SLC24A2: variants seen among roughly 807,000 people sequenced by gnomAD.
The protein encoded by SLC24A2 is sodium/potassium/calcium exchanger 2.
Under a neutral mutation model 62.0 loss-of-function variants are expected in SLC24A2, and 36 were observed. That is an observed-to-expected ratio of 0.58 (90% CI 0.44 to 0.77). The LOEUF is 0.77. Ranked by LOEUF, SLC24A2 falls within the 30% of genes least tolerant of loss-of-function variation. The probability of loss-of-function intolerance (pLI) is 0.00; values close to 1 mark genes in which losing one functional copy is unlikely to be tolerated. For missense variants in SLC24A2, 846 were observed against 817.9 expected (o/e 1.03, Z -0.42); for synonymous variants, 358 against 294.0 (o/e 1.22, Z -2.23).
chr9:19,692,625 A>G (rs1407858912), intron 2 of SLC24A2, among the ~76,000 whole-genome samples: 1 of 152,138 alleles, frequency 6.6e-6, no homozygotes, highest in Non-Finnish European at 1.5e-5. Context: ...TCATCCTTCC[A>G]ATAATCACTC....
At chr9:19,829,331 C>G in the SLC24A2 span, among the ~76,000 whole-genome samples, 1 of 152,102 alleles carries the variant, frequency 6.6e-6, no homozygotes, top group Non-Finnish European at 1.5e-5. Flanking sequence ...TTCCCCCACT[C>G]AGAGGTGATA....
chr9:19,600,997 G>T (rs765475602), intron 4 of SLC24A2, among the ~76,000 whole-genome samples: 4 of 152,150 alleles, frequency 2.6e-5, no homozygotes, highest in Non-Finnish European at 5.9e-5. Flanking sequence ...GGTCTAGTGG[G>T]GACTTGGAGA....
At chr9:19,521,253 A>G (rs953367022) in intron 9 of SLC24A2, among the ~76,000 whole-genome samples, 193 bp from the exon 10 acceptor site, 1 of 152,248 alleles carries the variant, frequency 6.6e-6, no homozygotes, top group African/African-American at 2.4e-5. Context: ...GACCCAAGGC[A>G]TCAGGAATGT....
chr9:20,292,874 A>G, the SLC24A2 span, among the ~76,000 whole-genome samples: 1 of 152,214 alleles, frequency 6.6e-6, no homozygotes, highest in Non-Finnish European at 1.5e-5. Context: ...TTATAGGCAT[A>G]GGCCACCACA....
chr9:19,971,759 G>T, the SLC24A2 span, among the ~76,000 whole-genome samples: 24 of 152,036 alleles, frequency 1.6e-4, no homozygotes, highest in African/African-American at 5.6e-4. Flanking sequence ...TGATCACTTT[G>T]GTAATGATGA....
At chr9:19,650,713 A>G (rs1453058204) in intron 2 of SLC24A2, among the ~76,000 whole-genome samples, 3 of 122,982 alleles carry the variant, frequency 2.4e-5, no homozygotes, top group Non-Finnish European at 5.0e-5. Context: ...AAAACAAAAC[A>G]TGGCACGCGC....
the SLC24A2 span, among the ~76,000 whole-genome samples, chr9:20,104,167 T>C: frequency 3.9e-5 from 6 of 152,024 alleles, no homozygotes; most frequent in Non-Finnish European, 8.8e-5. Context: ...TAAAAAGAAA[T>C]GAACAAAGCC....
chr9:20,023,370 T>C, the SLC24A2 span, among the ~76,000 whole-genome samples: 1 of 152,186 alleles, frequency 6.6e-6, no homozygotes, highest in East Asian at 1.9e-4. Flanking sequence ...AACTCCATAG[T>C]GCAGTGAGCA....
chr9:19,543,946 C>T (rs1834414518), intron 8 of SLC24A2, among the ~76,000 whole-genome samples: 1 of 152,166 alleles, frequency 6.6e-6, no homozygotes, highest in Non-Finnish European at 1.5e-5. Flanking sequence ...TTTATTAGGT[C>T]TGCTTGTTCC....
At chr9:19,730,436 G>A (rs1333137076) in intron 2 of SLC24A2, among the ~76,000 whole-genome samples, 1 of 152,066 alleles carries the variant, frequency 6.6e-6, no homozygotes, top group Non-Finnish European at 1.5e-5. Flanking sequence ...TTACAAAGAT[G>A]TTCAATGTTA....
chr9:20,078,514 T>C, the SLC24A2 span, among the ~76,000 whole-genome samples: 1 of 152,120 alleles, frequency 6.6e-6, no homozygotes, highest in African/African-American at 2.4e-5. Flanking sequence ...TTGTCTCCCT[T>C]CCACCCTTCC....
At chr9:19,790,530 C>CAAAAAA (rs3086381), upstream of SLC24A2, among the ~76,000 whole-genome samples, 4 of 122,388 alleles carry the variant, frequency 3.3e-5, no homozygotes, top group Non-Finnish European at 6.6e-5. Context: ...ATTTGAGCAT[C>CAAAAAA]AAAAAAAAAA....
chr9:19,821,157 A>C, the SLC24A2 span, among the ~76,000 whole-genome samples: 1 of 152,020 alleles, frequency 6.6e-6, no homozygotes, highest in African/African-American at 2.4e-5. Context: ...TGTATCCCCC[A>C]GAGTCATGCC....
chr9:20,296,478 T>G, the SLC24A2 span, among the ~76,000 whole-genome samples: 2 of 152,246 alleles, frequency 1.3e-5, no homozygotes, highest in Admixed American at 6.5e-5. Flanking sequence ...ATTCACAATG[T>G]TGACTTTGTG....
the SLC24A2 span, among the ~76,000 whole-genome samples, chr9:20,008,985 C>T: frequency 6.6e-6 from 1 of 152,112 alleles, no homozygotes; most frequent in Non-Finnish European, 1.5e-5. Flanking sequence ...TGAGACACCC[C>T]CTTAGACTGC....
the SLC24A2 span, among the ~76,000 whole-genome samples, chr9:20,154,983 C>A: frequency 2.6e-5 from 4 of 151,682 alleles, no homozygotes; most frequent in South Asian, 6.2e-4. Flanking sequence ...AAGAGATTTC[C>A]TGTAAGTTCC....
chr9:19,526,187 A>G (rs932592793), intron 9 of SLC24A2, among the ~76,000 whole-genome samples: 1 of 152,110 alleles, frequency 6.6e-6, no homozygotes, highest in Non-Finnish European at 1.5e-5. Context: ...TTGGTACTTC[A>G]TTTCTTTGTA....
At chr9:19,901,118 C>T in the SLC24A2 span, among the ~76,000 whole-genome samples, 1 of 152,118 alleles carries the variant, frequency 6.6e-6, no homozygotes, top group African/African-American at 2.4e-5. Flanking sequence ...TATTGATCAC[C>T]TGTCATGTGC....
At chr9:19,566,770 C>G (rs951113513) in intron 7 of SLC24A2, among the ~76,000 whole-genome samples, 3 of 152,186 alleles carry the variant, frequency 2.0e-5, no homozygotes, top group African/African-American at 7.2e-5. Flanking sequence ...CCATGGAATA[C>G]TATGCAGCCA....
Sources: gnomAD v4.1 joint callset for allele counts (sites outside exome capture counted in the v4.1 genomes callset) on GRCh38, gnomAD v4.1.1 for gene constraint, MANE v1.5 for transcripts, NCBI Gene and HGNC (gene_info 2026-07-23, HGNC 2026-07-21) for gene names.